Variants in NXPH1 observed in about 807,000 individuals in gnomAD.
NXPH1 encodes neurexophilin 1, also known as neurexophilin-1.
A neutral mutation model predicts 23.7 loss-of-function variants in NXPH1; 5 were observed. The observed-to-expected ratio is 0.21, with a 90% CI of 0.11 to 0.44. The LOEUF is 0.44. Ranked by LOEUF, NXPH1 falls within the 20% of genes least tolerant of loss-of-function variation. The pLI, the probability that NXPH1 is intolerant of heterozygous loss-of-function variation, is 0.99. For missense variants in NXPH1, 324 were observed against 321.6 expected, an observed-to-expected ratio of 1.01 and a Z score of -0.06; for synonymous variants, 144 against 122.2, an observed-to-expected ratio of 1.18 and a Z score of -1.18.
chr7:8,700,156 A>G (rs781647885), intron 2 of NXPH1, among the ~76,000 whole-genome samples: 4 of 152,108 alleles, frequency 2.6e-5, no homozygotes, highest in Admixed American at 6.6e-5. Context: ...TTCTTTACCA[A>G]ATTGAATTGT....
intron 2 of NXPH1, among the ~76,000 whole-genome samples, chr7:8,725,859 T>A (rs558005826): frequency 0.17 from 26,509 of 151,984 alleles, 2,386 homozygotes; most frequent in Admixed American, 0.22. Context: ...TGGAAAGTTC[T>A]GAGCACTGTC....
chr7:8,612,933 A>C (rs975740961), intron 2 of NXPH1, among the ~76,000 whole-genome samples: 1 of 152,058 alleles, frequency 6.6e-6, no homozygotes, highest in Non-Finnish European at 1.5e-5. Flanking sequence ...TCTATGCTGC[A>C]GTGAAACTGC....
chr7:8,537,922 T>G (rs1177459146), intron 2 of NXPH1, among the ~76,000 whole-genome samples: 2 of 151,850 alleles, frequency 1.3e-5, no homozygotes, highest in African/African-American at 4.8e-5. Context: ...AGATAATCAG[T>G]TCAACTCACT....
intron 2 of NXPH1, among the ~76,000 whole-genome samples, chr7:8,481,930 G>A (rs374686948): frequency 7.2e-5 from 11 of 152,242 alleles, no homozygotes; most frequent in African/African-American, 2.2e-4. Context: ...GGCAGAACAG[G>A]CTGACTAGCA....
intron 2 of NXPH1, among the ~76,000 whole-genome samples, chr7:8,627,460 A>G (rs4455737): frequency 0.38 from 58,225 of 152,026 alleles, 12,263 homozygotes; most frequent in African/African-American, 0.57. Context: ...AGCCTTCAAT[A>G]TTCTAAGTTG....
chr7:8,693,361 T>C (rs1435821390), intron 2 of NXPH1, among the ~76,000 whole-genome samples: 1 of 152,200 alleles, frequency 6.6e-6, no homozygotes, highest in Non-Finnish European at 1.5e-5. Flanking sequence ...CTTCCTATCA[T>C]GCTTCTTTCA....
At chr7:8,724,883 C>A (rs566885943) in intron 2 of NXPH1, among the ~76,000 whole-genome samples, 3 of 152,160 alleles carry the variant, frequency 2.0e-5, no homozygotes, top group Non-Finnish European at 4.4e-5. Context: ...ATTTCACACA[C>A]CATGCTTTAA....
chr7:8,513,296 T>C (rs1174169001), intron 2 of NXPH1, among the ~76,000 whole-genome samples: 5 of 152,074 alleles, frequency 3.3e-5, no homozygotes, highest in African/African-American at 1.2e-4. Context: ...TATCACAGAA[T>C]AGAATAGGTT....
chr7:8,722,293 G>A (rs1779981712), intron 2 of NXPH1, among the ~76,000 whole-genome samples: 1 of 152,130 alleles, frequency 6.6e-6, no homozygotes, highest in South Asian at 2.1e-4. Context: ...TTAAAAGCAA[G>A]ACTTCTGAAA....
intron 2 of NXPH1, among the ~76,000 whole-genome samples, chr7:8,689,367 A>G (rs1323333257): frequency 6.6e-6 from 1 of 152,042 alleles, no homozygotes. Context: ...GGCAGGAAAC[A>G]TAGGACATAT....
chr7:8,490,747 G>A (rs550657480), intron 2 of NXPH1, among the ~76,000 whole-genome samples: 10 of 152,056 alleles, frequency 6.6e-5, no homozygotes, highest in Middle Eastern at 3.4e-3. Flanking sequence ...ATATTTAAGG[G>A]GGAAGGAGAC....
intron 2 of NXPH1, among the ~76,000 whole-genome samples, chr7:8,552,842 T>C (rs1475705502): frequency 6.6e-6 from 1 of 151,594 alleles, no homozygotes; most frequent in East Asian, 2.0e-4. Context: ...TCTCAGGACA[T>C]TATGTAATAC....
At chr7:8,618,765 TTA>T (rs1267935682) in intron 2 of NXPH1, among the ~76,000 whole-genome samples, 1 of 152,208 alleles carries the variant, frequency 6.6e-6, no homozygotes, top group Non-Finnish European at 1.5e-5. Context: ...TCCAATATCT[TTA>T]TATGTTGAAT....
chr7:8,743,759 CT>C (rs1262359360), intron 2 of NXPH1, among the ~76,000 whole-genome samples: 23 of 151,278 alleles, frequency 1.5e-4, no homozygotes, highest in African/African-American at 5.1e-4. Context: ...TCTTGGTTCA[CT>C]GCAAGCTCCG....
At chr7:8,530,380 G>A (rs1817932558) in intron 2 of NXPH1, among the ~76,000 whole-genome samples, 1 of 152,160 alleles carries the variant, frequency 6.6e-6, no homozygotes, top group African/African-American at 2.4e-5. Flanking sequence ...ATTGGTTCTA[G>A]GACTAATTAG....
At chr7:8,749,265 G>T (rs971137375) in intron 2 of NXPH1, among the ~76,000 whole-genome samples, 4 of 152,144 alleles carry the variant, frequency 2.6e-5, no homozygotes, top group African/African-American at 9.7e-5. Context: ...ACAAACTTAT[G>T]AAGTAGATAT....
At chr7:8,662,787 A>G (rs12702762) in intron 2 of NXPH1, among the ~76,000 whole-genome samples, 106,024 of 151,874 alleles carry the variant, frequency 0.7, 37,724 homozygotes, top group East Asian at 1. Flanking sequence ...AGTGATATCA[A>G]AAAGCCATAG....
chr7:8,580,414 A>T (rs1385340014), intron 2 of NXPH1, among the ~76,000 whole-genome samples: 1 of 152,142 alleles, frequency 6.6e-6, no homozygotes, highest in East Asian at 1.9e-4. Flanking sequence ...GAAACCAAGA[A>T]TTCTTGAATT....
intron 2 of NXPH1, among the ~76,000 whole-genome samples, chr7:8,628,162 G>A (rs1263099405): frequency 6.6e-6 from 1 of 152,014 alleles, no homozygotes; most frequent in Non-Finnish European, 1.5e-5. Context: ...GGAAAATAGA[G>A]AATATGTGGA....
Sources: gnomAD v4.1 joint callset for allele counts (sites outside exome capture counted in the v4.1 genomes callset) on GRCh38, gnomAD v4.1.1 for gene constraint, MANE v1.5 for transcripts, NCBI Gene and HGNC (gene_info 2026-07-23, HGNC 2026-07-21) for gene names.